The following SMAD6 variants were observed in gnomAD, a reference collection of about 807,000 sequenced individuals.
The protein encoded by SMAD6 is MAD homolog 6.
SMAD6 carries 103 observed loss-of-function variants against 39.4 expected under a neutral mutation model. That is an observed-to-expected ratio of 2.62 (90% CI 2.23 to 3.08). The LOEUF is 3.08. SMAD6 is among the 30% of genes most tolerant of loss of function. The pLI is 0.00. For synonymous variants in SMAD6, 445 were observed against 353.3 expected (o/e 1.26, Z -2.91); for missense variants, 1,104 against 742.9 (o/e 1.49, Z -5.65).
intron 3 of SMAD6, among the ~76,000 whole-genome samples, chr15:66,761,607 G>A (rs1894200397): frequency 6.6e-6 from 1 of 152,188 alleles, no homozygotes; most frequent in African/African-American, 2.4e-5. Context: ...ATCTAGGACG[G>A]GGGGCCCTTC....
chr15:66,778,941 C>T (rs190976251), intron 3 of SMAD6, among the ~76,000 whole-genome samples: 7 of 152,328 alleles, frequency 4.6e-5, no homozygotes, highest in Admixed American at 3.9e-4. Flanking sequence ...TCTTTGCATC[C>T]CCACCTTGCT....
rs151320470 is a variant in SMAD6 at position 66,771,762 on chromosome 15, G to A, written c.953-9235G>A. On this transcript the variant is annotated intron_variant, in intron 3 of 3. Coordinates refer to ENST00000288840, the MANE Select transcript of SMAD6 (RefSeq NM_005585.5). The stretch of plus-strand genomic sequence containing the variant: ...AAAAGGATCATGAATGAAGCGTGTA[G>A]AGCGCCTCCCACTTCCCTGGGACTA... Among the ~76,000 whole-genome samples the A allele has an allele frequency of 7.3e-3, 1,114 of 152,322 alleles. 3 individuals are homozygous for A. The highest frequency in any genetic ancestry group is 0.022 in the South Asian group (104 of 4,826).
chr15:66,745,765 C>T (rs1423664399), intron 3 of SMAD6, among the ~76,000 whole-genome samples: 2 of 152,182 alleles, frequency 1.3e-5, no homozygotes, highest in African/African-American at 2.4e-5. Context: ...TTTCCCTCTC[C>T]GGGCCTCAGC....
chr15:66,761,294 A>G (rs936824204), intron 3 of SMAD6, among the ~76,000 whole-genome samples: 1 of 152,190 alleles, frequency 6.6e-6, no homozygotes, highest in East Asian at 1.9e-4. Context: ...ACGGGTGTGC[A>G]GAGACTTTCT....
chr15:66,731,362 C>T (rs934781229), intron 3 of SMAD6, among the ~76,000 whole-genome samples: 7 of 146,794 alleles, frequency 4.8e-5, no homozygotes, highest in East Asian at 2.0e-4. Context: ...GGCGTGAACC[C>T]GGGAGGCGGA....
intron 3 of SMAD6, among the ~76,000 whole-genome samples, chr15:66,766,828 CTCTTG>C (rs2140665081): frequency 6.6e-6 from 1 of 152,322 alleles, no homozygotes; most frequent in African/African-American, 2.4e-5. Flanking sequence ...CTCCCTGGGA[CTCTTG>C]TCTTTTCTAG....
chr15:66,703,502 A>T lies in SMAD6; in HGVS notation c.244A>T (p.Arg82Trp). 2 of 1,225,496 alleles carry T rather than the reference A, an allele frequency of 1.6e-6. No homozygotes were observed. Among genetic ancestry groups the T allele is most frequent in the Non-Finnish European group, 2.0e-6 (2 of 980,456 alleles). The allele number at this position is 1,225,496 out of a possible 1,614,324, so 75.9% of individuals were successfully genotyped here. A position where few individuals can be genotyped will look rare whatever the true frequency, so the allele number is the denominator to read the frequency against. ...ACAGCGAGGCGCCCAGGGCGCGGGG[A>T]GGCGCCGGCGCGCAGGGGGCCCCCC... ...VGQRGAQGAG[R>W]RRRAGGPPRP... The change falls in exon 1 of 4, where the codon AGG (arginine) becomes TGG (tryptophan). Residue 82 changes from arginine to tryptophan, a missense_variant. Arg to Trp is a moderately radical substitution (Grantham distance 101, BLOSUM62 -3). Coordinates refer to ENST00000288840, the MANE Select transcript of SMAD6 (RefSeq NM_005585.5).
intron 1 of SMAD6, chr15:66,708,824 A>G (rs1272315176): frequency 2.2e-6 from 1 of 453,618 alleles, no homozygotes; most frequent in East Asian, 7.2e-5. Flanking sequence ...GCGATAAAAA[A>G]AATGTCTTGT....
intron 2 of SMAD6, among the ~76,000 whole-genome samples, chr15:66,713,291 G>T (rs1893266324): frequency 6.6e-6 from 1 of 152,196 alleles, no homozygotes; most frequent in Admixed American, 6.5e-5. Context: ...CCTCCCAGTA[G>T]TGTGTGTCAG....
rs369033807 is a variant in SMAD6, at chr15:66,728,177, T to C, written c.952+11679T>C. ...GCCAAAGTGAGCTTTCTTGTGTCAC[T>C]ATAGCCCAGATGAAGCAACAGACCA... On this transcript the variant is annotated intron_variant, in intron 3 of 3. Coordinates refer to ENST00000288840, the MANE Select transcript of SMAD6 (RefSeq NM_005585.5). Among the ~76,000 whole-genome samples the C allele has an allele frequency of 6.6e-5, 10 of 152,256 alleles. No individual in the cohort carries two copies. The East Asian group carries it at 1.4e-3, about 21-fold the overall frequency.
intron 3 of SMAD6, among the ~76,000 whole-genome samples, chr15:66,755,121 T>C (rs1410585196): frequency 6.6e-6 from 1 of 152,196 alleles, no homozygotes; most frequent in East Asian, 1.9e-4. Context: ...GAAAAAAAGC[T>C]GTTTATTGGT....
chr15:66,714,680 C>G (rs12594720), intron 2 of SMAD6, among the ~76,000 whole-genome samples: 34,889 of 152,122 alleles, frequency 0.23, 4,245 homozygotes, highest in Middle Eastern at 0.33. Context: ...TGGAGTTCTT[C>G]CTCCTTGAGG....
In SMAD6 at chr15:66,703,914, C is replaced by T; in HGVS notation, c.656C>T (p.Pro219Leu). The T allele has an allele frequency of 1.5e-6, 2 of 1,298,056 alleles. No homozygotes were observed. The highest frequency in any genetic ancestry group is 4.8e-5 in the South Asian group (2 of 41,462). 80.4% of individuals were successfully genotyped at this position (1,298,056 alleles called of 1,614,324 possible). A position where few individuals can be genotyped will look rare whatever the true frequency, so the allele number is the denominator to read the frequency against. ...PRADLRLGGQ[P>L]APPQLLLGRL... is the part of the protein sequence containing the mutation. Reference sequence around the variant, plus strand: ...GCCGACCTCCGCCTGGGCGGCCAGCCCGCGCCGCCGCAGCTGCTGCTCGGC... The same window carrying T: ...GCCGACCTCCGCCTGGGCGGCCAGCTCGCGCCGCCGCAGCTGCTGCTCGGC... The change falls in exon 1 of 4, where the codon CCC (proline) becomes CTC (leucine). Residue 219 changes from proline (P) to leucine (L), a missense_variant. By Grantham distance (98) the Pro-to-Leu change is moderately conservative. Coordinates refer to ENST00000288840, the MANE Select transcript of SMAD6 (RefSeq NM_005585.5).
At chr15:66,711,223 T>C (rs954043795) in intron 1 of SMAD6, among the ~76,000 whole-genome samples, 1 of 152,232 alleles carries the variant, frequency 6.6e-6, no homozygotes, top group Non-Finnish European at 1.5e-5. Flanking sequence ...CATCCGGTAT[T>C]TTATCCAGCA....
intron 3 of SMAD6, among the ~76,000 whole-genome samples, chr15:66,751,794 A>G (rs549863426): frequency 6.6e-6 from 1 of 152,356 alleles, no homozygotes; most frequent in South Asian, 2.1e-4. Flanking sequence ...GCAGGATGTC[A>G]GAGCTGGAGG....
At chr15:66,762,322 C>T (rs1204177758) in intron 3 of SMAD6, among the ~76,000 whole-genome samples, 1 of 152,178 alleles carries the variant, frequency 6.6e-6, no homozygotes, top group Non-Finnish European at 1.5e-5. Flanking sequence ...ACACAGTAGG[C>T]GCTTAGCAAG....
At chr15:66,762,442 A>G (rs971833273) in intron 3 of SMAD6, among the ~76,000 whole-genome samples, 5 of 149,222 alleles carry the variant, frequency 3.4e-5, no homozygotes, top group Admixed American at 3.3e-4. Flanking sequence ...CATCCTACCC[A>G]CTCTTTCCCC....
chr15:66,774,679 C>T (rs1373192547), intron 3 of SMAD6, among the ~76,000 whole-genome samples: 1 of 152,046 alleles, frequency 6.6e-6, no homozygotes, highest in African/African-American at 2.4e-5. Context: ...TGAAATCCAC[C>T]GTTCTTTAAG....
chr15:66,769,339 G>T (rs1894342536), intron 3 of SMAD6, among the ~76,000 whole-genome samples: 1 of 152,084 alleles, frequency 6.6e-6, no homozygotes, highest in Admixed American at 6.5e-5. Context: ...TTTTTCACTG[G>T]GCCCTCAAAA....
Sources: allele counts gnomAD v4.1 joint callset (sites outside exome capture counted in the v4.1 genomes callset), GRCh38; gene constraint gnomAD v4.1.1; transcripts MANE v1.5; gene names NCBI Gene and HGNC (gene_info 2026-07-23, HGNC 2026-07-21).